The following GPNMB variants were observed in gnomAD, a reference collection of about 807,000 sequenced individuals.
The protein encoded by GPNMB is transmembrane glycoprotein NMB.
Under a neutral mutation model 57.3 loss-of-function variants are expected in GPNMB, and 71 were observed. The ratio of observed to expected loss-of-function variants is 1.24; its 90% CI spans 1.02 to 1.51. The LOEUF is 1.51. Among genes scored for constraint, GPNMB ranks in the 40% most tolerant of loss-of-function variants. The pLI is 0.00. For missense variants in GPNMB, 677 were observed against 691.9 expected, an observed-to-expected ratio of 0.98 and a Z score of 0.24; for synonymous variants, 253 against 263.2, an observed-to-expected ratio of 0.96 and a Z score of 0.38.
chr7:23,267,893 C>G lies in GPNMB; in HGVS notation c.1125C>G (p.Ile375Met). Residue 375 changes from isoleucine to methionine, a missense_variant, in exon 8 of 11, where the codon ATC becomes ATG. By Grantham distance (10) the Ile-to-Met change is conservative. Coordinates refer to ENST00000258733, the MANE Select transcript of GPNMB (RefSeq NM_002510.3). ...FQATITIVEGILEVNIIQMTD... is the reference protein window; with the variant it reads ...FQATITIVEGMLEVNIIQMTD... ...TGGGGGTTATTTTGTTAGAGGGAAT[C>G]TTAGAGGTTAACATCATCCAGATGA... The G allele has an allele frequency of 1.9e-6, 3 of 1,604,596 alleles. No individual in the cohort carries two copies. The highest frequency in any genetic ancestry group is 2.6e-6 in the Non-Finnish European group (3 of 1,171,346).
rs1783069169 is a variant in GPNMB, at chr7:23,266,583, AT to A, written c.1086del (p.Tyr362Ter). The A allele has an allele frequency of 4.3e-6, 7 of 1,613,880 alleles. No homozygotes were observed. Among genetic ancestry groups the A allele is most frequent in the Non-Finnish European group, 5.1e-6 (6 of 1,179,776 alleles). The stretch of plus-strand genomic sequence containing the variant: ...GATGAAAACTGCCAGATTAACAGAT[AT>A]GGCCACTTTCAAGCCACCATCACAA... The part of the protein sequence containing the change: ...IPDENCQINR[Y>X]GHFQATITIV... On this transcript the variant is annotated frameshift_variant, in exon 7 of 11. Coordinates refer to ENST00000258733, the MANE Select transcript of GPNMB (RefSeq NM_002510.3). LOFTEE classifies it high-confidence loss of function.
chr7:23,273,279 A>G, intron 9 of GPNMB: 1 of 463,788 alleles, frequency 2.2e-6, no homozygotes, highest in Non-Finnish European at 3.8e-6. Flanking sequence ...AGGTGTCTCC[A>G]GGACGTGACA....
intron 8 of GPNMB, 30 bp from the exon 9 acceptor site, chr7:23,269,937 G>T (rs774484112): frequency 1.3e-6 from 2 of 1,535,284 alleles, no homozygotes; most frequent in Non-Finnish European, 1.8e-6. Context: ...TCTGTGCCCT[G>T]TGCGCCCTCG....
intron 5 of GPNMB, 111 bp downstream of exon 5, chr7:23,260,249 C>A: frequency 1.7e-6 from 2 of 1,163,200 alleles, no homozygotes; most frequent in Non-Finnish European, 2.5e-6. Context: ...TGCATCTGGC[C>A]CACCTAAGCT....
At chr7:23,249,723 G>C (rs552767303) in intron 1 of GPNMB, among the ~76,000 whole-genome samples, 1 of 152,288 alleles carries the variant, frequency 6.6e-6, no homozygotes, top group Non-Finnish European at 1.5e-5. Flanking sequence ...AAGGACATCT[G>C]GGTTATTTCA....
intron 4 of GPNMB, among the ~76,000 whole-genome samples, chr7:23,259,029 T>TG (rs1297428249): frequency 6.6e-6 from 1 of 152,202 alleles, no homozygotes; most frequent in Non-Finnish European, 1.5e-5. Flanking sequence ...TAAATGTCCT[T>TG]GAGCCCTGAA....
In GPNMB at chr7:23,270,018, C is replaced by T; in HGVS notation, c.1272C>T (p.Thr424=). Residue 424 remains threonine, a synonymous_variant, in exon 9 of 11, where the codon ACC becomes ACT. Transcript: ENST00000258733. The part of the protein sequence containing the change: ...TIISDPTCEI[T]QNTVCSPVDV... ...TTTCTGACCCCACCTGCGAGATCAC[C>T]CAGAACACAGTCTGCAGCCCTGTGG... 1 of 1,614,108 alleles carries T rather than the reference C, an allele frequency of 6.2e-7. No individual in the cohort carries two copies. The highest frequency in any genetic ancestry group is 1.6e-4 in the Middle Eastern group (1 of 6,062).
At chr7:23,267,617 A>G (rs757074815) in intron 7 of GPNMB, among the ~76,000 whole-genome samples, 2 of 152,164 alleles carry the variant, frequency 1.3e-5, no homozygotes, top group Non-Finnish European at 2.9e-5. Flanking sequence ...GGCAGATAGC[A>G]GTCTTCTTGC....
At chr7:23,273,996 A>T in intron 10 of GPNMB, 69 bp from the exon 11 acceptor site, 4 of 1,227,950 alleles carry the variant, frequency 3.3e-6, no homozygotes, top group Non-Finnish European at 4.7e-6. Flanking sequence ...GGCATGAAAA[A>T]GATTGTAGAA....
In GPNMB at chr7:23,256,873, G is replaced by T. The variant is rs1321295801; in HGVS notation, c.368-19G>T. 6.2e-7 allele frequency: 1 copy of T among 1,608,472 alleles called. No homozygotes were observed. Among genetic ancestry groups the T allele is most frequent in the South Asian group, 1.1e-5 (1 of 90,926 alleles). ...CTGAGCCTAGATAACACTCATGGCT[G>T]GTTTCTATCTCTGTTTAGAGGCTGG... On this transcript the variant is annotated intron_variant, in intron 3 of 10. Coordinates refer to ENST00000258733, the MANE Select transcript of GPNMB (RefSeq NM_002510.3).
chr7:23,263,868 C>CA (rs112399978), intron 6 of GPNMB, among the ~76,000 whole-genome samples: 71,708 of 151,636 alleles, frequency 0.47, 18,443 homozygotes, highest in African/African-American at 0.7. Context: ...ATTGTTTGGC[C>CA]AAAAAATATG....
intron 5 of GPNMB, 61 bp from the exon 6 acceptor site, chr7:23,260,395 C>A: frequency 3.8e-6 from 5 of 1,311,490 alleles, no homozygotes; most frequent in Non-Finnish European, 5.3e-6. Flanking sequence ...ATCGTCGAAG[C>A]CCTCCACTTA....
intron 1 of GPNMB, 197 bp downstream of exon 1, chr7:23,247,124 T>C: frequency 1.7e-6 from 1 of 591,616 alleles, no homozygotes; most frequent in Non-Finnish European, 3.0e-6. Context: ...ATTCTTTGCT[T>C]TCGGCTCATG....
At position 23,273,602 on chromosome 7, in the gene GPNMB, T is replaced by A; in HGVS notation, c.1511T>A (p.Leu504His). Residue 504 changes from leucine (L) to histidine (H), a missense_variant, in exon 10 of 11, where the codon CTC (leucine) becomes CAC (histidine). Transcript: ENST00000258733. ...CLAIFVTVIS[L>H]LVYKKHKEYN... Reference sequence around the variant, plus strand: ...GCCATATTTGTCACTGTGATCTCCCTCTTGGTGTACAAGTAAGTTTTTGGT... The same window carrying A: ...GCCATATTTGTCACTGTGATCTCCCACTTGGTGTACAAGTAAGTTTTTGGT... 1.9e-6 allele frequency: 3 copies of A among 1,607,960 alleles called. No individual in the cohort carries two copies. Among genetic ancestry groups the A allele is most frequent in the Non-Finnish European group, 2.6e-6 (3 of 1,174,302 alleles).
Position 23,257,043 on chromosome 7 carries a change from C to A in GPNMB, c.519C>A (p.Phe173Leu). Reference sequence around the variant, plus strand: ...ACCCCGGATGGAGAAGATGGAATTTCATCTACGTCTTCCACACACTTGGTT... The same window carrying A: ...ACCCCGGATGGAGAAGATGGAATTTAATCTACGTCTTCCACACACTTGGTT... Reference protein sequence around the residue: ...PHHPGWRRWNFIYVFHTLGQY... With the variant: ...PHHPGWRRWNLIYVFHTLGQY... Residue 173 changes from phenylalanine (F) to leucine (L), a missense_variant, in exon 4 of 11, where the codon TTC becomes TTA. Physicochemically the swap from Phe to Leu is conservative, Grantham distance 22. Coordinates refer to ENST00000258733, the MANE Select transcript of GPNMB (RefSeq NM_002510.3). 1 of 1,614,162 alleles carries A rather than the reference C, an allele frequency of 6.2e-7. No homozygotes were observed.
rs186933275 is a variant in GPNMB at position 23,254,279 on chromosome 7, G to A, written c.334G>A (p.Gly112Ser). Residue 112 changes from glycine (G) to serine (S), a missense_variant, in exon 3 of 11, where the codon GGC (glycine) becomes AGC (serine). Gly to Ser is a moderately conservative substitution (Grantham distance 56). Transcript: ENST00000258733. ...FPRCQKEDANGNIVYEKNCRN... is the reference protein window; with the variant it reads ...FPRCQKEDANSNIVYEKNCRN... ...TAGATGCCAAAAGGAAGATGCCAAT[G>A]GCAACATAGTCTATGAGAAGAACTG... The A allele has an allele frequency of 1.1e-5, 17 of 1,613,530 alleles. No individual in the cohort carries two copies. Among genetic ancestry groups the A allele is most frequent in the Non-Finnish European group, 1.4e-5 (16 of 1,179,472 alleles).
chr7:23,254,677 T>C (rs545345401), intron 3 of GPNMB, among the ~76,000 whole-genome samples: 4 of 152,378 alleles, frequency 2.6e-5, no homozygotes, highest in African/African-American at 7.2e-5. Flanking sequence ...ATTTGACAGA[T>C]GTTTGCTGAT....
rs190886843 is a variant in GPNMB at position 23,261,505 on chromosome 7, A to C, written c.1018+732A>C. Among the ~76,000 whole-genome samples the C allele has an allele frequency of 3.3e-3, 499 of 152,324 alleles. 4 individuals are homozygous for C. The highest frequency in any genetic ancestry group is 5.2e-3 in the Non-Finnish European group (357 of 68,032). On this transcript the variant is annotated intron_variant, in intron 6 of 10. Coordinates refer to ENST00000258733, the MANE Select transcript of GPNMB (RefSeq NM_002510.3). ...AGGAACATGGATGAAGCTGGAAACC[A>C]TCATTCTGAGCAAACTATCACAAGG... is the stretch of plus-strand genomic sequence containing the variant.
At chr7:23,260,357 C>A in intron 5 of GPNMB, 99 bp from the exon 6 acceptor site, 1 of 1,097,708 alleles carries the variant, frequency 9.1e-7, no homozygotes, top group Non-Finnish European at 1.3e-6. Context: ...CTAAATTATC[C>A]CTCATTTTAA....
Sources: gnomAD v4.1 joint callset for allele counts (sites outside exome capture counted in the v4.1 genomes callset) on GRCh38, gnomAD v4.1.1 for gene constraint, MANE v1.5 for transcripts, NCBI Gene and HGNC (gene_info 2026-07-23, HGNC 2026-07-21) for gene names.